NHSL1: variants seen among roughly 807,000 people sequenced by gnomAD.
The protein encoded by NHSL1 is NHS-like protein 1.
Under a neutral mutation model 95.0 loss-of-function variants are expected in NHSL1, and 48 were observed. The observed-to-expected ratio is 0.51, with a 90% CI of 0.40 to 0.64. NHSL1 has a LOEUF of 0.64. NHSL1 is among the 30% of genes least tolerant of loss of function. The pLI is 0.00. For missense variants in NHSL1, 1,971 were observed against 2,077.7 expected, an observed-to-expected ratio of 0.95 and a Z score of 1.00; for synonymous variants, 783 against 833.9, an observed-to-expected ratio of 0.94 and a Z score of 1.05.
chr6:138,424,693 C>A lies in NHSL1; in HGVS notation c.4209G>T (p.Gly1403=). ...TCTTTCGGATGCTTCTCTGAATCGA[C>A]CCCACTTGCTTTGGAGAGGCCAGGC... ...APSLASPKQV[G]SIQRSIRKSS... The change falls in exon 8 of 8, where the codon GGG becomes GGT. Residue 1403 remains glycine (G), a synonymous_variant. Transcript: ENST00000343505. The surrounding 1 kb of genome is among the most constrained non-coding windows in gnomAD (Gnocchi z 5.9). The A allele has an allele frequency of 1.3e-6, 2 of 1,551,604 alleles. No individual in the cohort carries two copies. The highest frequency in any genetic ancestry group is 1.7e-4 in the Middle Eastern group (1 of 5,968).
chr6:138,425,451 C>T (rs1225785085), intron 7 of NHSL1, among the ~76,000 whole-genome samples: 3 of 152,190 alleles, frequency 2.0e-5, no homozygotes, highest in Non-Finnish European at 4.4e-5. Flanking sequence ...AAGAGAACAG[C>T]TCACTGCAAG....
intron 4 of NHSL1, among the ~76,000 whole-genome samples, chr6:138,445,104 T>C (rs1049803454): frequency 3.0e-4 from 45 of 152,210 alleles, no homozygotes; most frequent in Admixed American, 2.6e-3. Context: ...TGTCTTCTGT[T>C]GTGACAGTGT....
intron 1 of NHSL1, among the ~76,000 whole-genome samples, chr6:138,580,290 A>C (rs1784033449): frequency 6.6e-6 from 1 of 152,162 alleles, no homozygotes; most frequent in Non-Finnish European, 1.5e-5. Context: ...CCCCTAGAGG[A>C]GTATAAAATG....
intron 1 of NHSL1, among the ~76,000 whole-genome samples, chr6:138,671,973 G>A (rs781736415): frequency 1.1e-4 from 16 of 152,248 alleles, no homozygotes; most frequent in Middle Eastern, 3.4e-3. Context: ...GGAAAAAAGG[G>A]CTAAATCCTC....
At chr6:138,574,674 A>C (rs1315518586), upstream of NHSL1, among the ~76,000 whole-genome samples, 1 of 136,056 alleles carries the variant, frequency 7.3e-6, no homozygotes, top group South Asian at 2.3e-4. Context: ...AAATAATGCA[A>C]AAAAAAAAAA....
At chr6:138,521,138 A>G (rs1378962783) in intron 1 of NHSL1, among the ~76,000 whole-genome samples, 1 of 152,154 alleles carries the variant, frequency 6.6e-6, no homozygotes, top group African/African-American at 2.4e-5. Flanking sequence ...AACATCTACA[A>G]CAAGTCCCTG....
intron 1 of NHSL1, among the ~76,000 whole-genome samples, chr6:138,590,201 T>C (rs1257140748): frequency 6.6e-6 from 1 of 152,196 alleles, no homozygotes; most frequent in Admixed American, 6.5e-5. Context: ...TTTCACCTTG[T>C]TGGCCAGGCT....
intron 1 of NHSL1, among the ~76,000 whole-genome samples, chr6:138,653,499 A>G (rs1425888860): frequency 1.3e-5 from 2 of 152,078 alleles, no homozygotes; most frequent in Non-Finnish European, 2.9e-5. Flanking sequence ...GATTGCAGTG[A>G]GCTGAGATGC....
chr6:138,582,086 G>A (rs1039627833), intron 1 of NHSL1, among the ~76,000 whole-genome samples: 7 of 151,778 alleles, frequency 4.6e-5, no homozygotes, highest in Non-Finnish European at 8.8e-5. Flanking sequence ...TAGTAGAGAC[G>A]GGCTTTCACT....
chr6:138,573,304 T>C (rs922645013), upstream of NHSL1, among the ~76,000 whole-genome samples: 7 of 152,182 alleles, frequency 4.6e-5, no homozygotes, highest in Non-Finnish European at 8.8e-5. Context: ...TAAAAGTCCC[T>C]GCAACTTTCC....
chr6:138,545,148 G>A (rs1045246997), intron 1 of NHSL1, among the ~76,000 whole-genome samples: 5 of 151,702 alleles, frequency 3.3e-5, no homozygotes, highest in African/African-American at 1.2e-4. Flanking sequence ...CCGCCACCAC[G>A]CCCAGCCTAG....
At chr6:138,670,597 C>T (rs1358046962) in intron 1 of NHSL1, among the ~76,000 whole-genome samples, 8 of 132,220 alleles carry the variant, frequency 6.1e-5, no homozygotes, top group African/African-American at 1.4e-4. Context: ...ACCCGGGAGG[C>T]GGAGCTTGCA....
chr6:138,447,156 G>T lies in NHSL1; in HGVS notation c.377C>A (p.Ser126Tyr). Residue 126 changes from serine to tyrosine, a missense_variant, in exon 4 of 8, where the codon TCC (serine) becomes TAC (tyrosine). Physicochemically the swap from Ser to Tyr is moderately radical, Grantham distance 144. Around this residue, in one of 3 missense-constraint regions of NHSL1, gnomAD observed 1,602 missense variants for 1,654.5 expected, o/e 0.97. Coordinates refer to ENST00000343505, the MANE Select transcript of NHSL1 (RefSeq NM_001144060.2). ...GGCTGGTGTTTTAGGTCTCCTGATGGAAATAAATCTTTCTTCTTCTGATGA... is the reference window on the plus strand; with the variant it reads ...GGCTGGTGTTTTAGGTCTCCTGATGTAAATAAATCTTTCTTCTTCTGATGA... ...LSSSEEERFI[S>Y]IRRPKTPASS... is the part of the protein sequence containing the mutation. 6.4e-7 allele frequency: 1 copy of T among 1,551,558 alleles called. No homozygotes were observed. The highest frequency in any genetic ancestry group is 8.7e-7 in the Non-Finnish European group (1 of 1,146,990).
intron 3 of NHSL1, among the ~76,000 whole-genome samples, chr6:138,451,520 C>T (rs1562283883): frequency 1.3e-5 from 2 of 152,102 alleles, no homozygotes; most frequent in Non-Finnish European, 2.9e-5. Context: ...AGCTTTGAAT[C>T]AGAATTGCAT....
At chr6:138,458,814 G>A (rs1777798287) in intron 3 of NHSL1, among the ~76,000 whole-genome samples, 1 of 134,870 alleles carries the variant, frequency 7.4e-6, no homozygotes, top group Non-Finnish European at 1.5e-5. Flanking sequence ...AACAGAGTAC[G>A]TGAAAATCTG....
At chr6:138,653,537 G>C (rs936427069) in intron 1 of NHSL1, among the ~76,000 whole-genome samples, 10 of 152,000 alleles carry the variant, frequency 6.6e-5, no homozygotes, top group African/African-American at 2.4e-4. Context: ...ACTCCAGCCT[G>C]GCAACAGAGC....
At position 138,622,360 on chromosome 6, in the gene NHSL1, C is replaced by T. The variant is rs756197510; in HGVS notation, c.96+70116G>A. On this transcript the variant is annotated intron_variant, in intron 1 of 3. Coordinates refer to the NHSL1 transcript ENST00000491526. ...TACTAAAAATCCAAAAAAAAATAGC[C>T]GGGCGTGGCCGCATGCGCCTGTAGT... Among the ~76,000 whole-genome samples, 172 of 152,044 alleles carry T rather than the reference C, an allele frequency of 1.1e-3. 1 individual carries two copies. The highest frequency in any genetic ancestry group is 3.5e-3 in the Admixed American group (54 of 15,266).
intron 1 of NHSL1, among the ~76,000 whole-genome samples, chr6:138,533,227 G>A (rs1247584873): frequency 6.6e-6 from 1 of 152,086 alleles, no homozygotes; most frequent in Non-Finnish European, 1.5e-5. Flanking sequence ...AGAACAAAGG[G>A]TAGAAAGACC....
chr6:138,643,068 G>A (rs1342779719), intron 1 of NHSL1, among the ~76,000 whole-genome samples: 1 of 152,146 alleles, frequency 6.6e-6, no homozygotes, highest in Non-Finnish European at 1.5e-5. Context: ...ATGTTTTAAA[G>A]AAAACAGATC....
Sources: gnomAD v4.1 joint callset for allele counts (sites outside exome capture counted in the v4.1 genomes callset) on GRCh38, gnomAD v4.1.1 for gene constraint, gnomAD v4.1.1 regional missense constraint, Gnocchi (gnomAD v3.1) non-coding constraint, MANE v1.5 for transcripts, NCBI Gene and HGNC (gene_info 2026-07-23, HGNC 2026-07-21) for gene names.